PHF14: variants seen among roughly 807,000 people sequenced by gnomAD.
PHF14 encodes PHD finger protein 14.
Under a neutral mutation model 117.9 loss-of-function variants are expected in PHF14, and 55 were observed. That is an observed-to-expected ratio of 0.47 (90% CI 0.38 to 0.58). The LOEUF (loss-of-function observed/expected upper bound fraction) is 0.58, where lower values mean the gene tolerates loss of function less well. PHF14 is among the 20% of genes least tolerant of loss of function. The probability of loss-of-function intolerance (pLI) is 0.00; values close to 1 mark genes in which losing one functional copy is unlikely to be tolerated. For missense variants in PHF14, 978 were observed against 1,122.2 expected (o/e 0.87, Z 1.84); for synonymous variants, 409 against 368.6 (o/e 1.11, Z -1.26).
intron 17 of PHF14, among the ~76,000 whole-genome samples, chr7:11,142,130 G>A (rs1318029405): frequency 1.3e-5 from 2 of 151,916 alleles, no homozygotes; most frequent in African/African-American, 4.8e-5. Context: ...GTTTTATTGA[G>A]CTTTCTCCAA....
At chr7:10,991,283 C>G (rs1314029467) in intron 4 of PHF14, among the ~76,000 whole-genome samples, 2 of 152,108 alleles carry the variant, frequency 1.3e-5, no homozygotes, top group Non-Finnish European at 2.9e-5. Context: ...TGGGTTCAAA[C>G]TATTCTGCCT....
At chr7:11,119,423 C>T (rs922552308) in intron 17 of PHF14, among the ~76,000 whole-genome samples, 97 of 151,672 alleles carry the variant, frequency 6.4e-4, no homozygotes, top group African/African-American at 2.3e-3. Flanking sequence ...TTATAAAATT[C>T]AGAAGTGGTG....
chr7:10,982,328 G>T, intron 2 of PHF14, 44 bp from the exon 3 acceptor site: 1 of 1,282,804 alleles, frequency 7.8e-7, no homozygotes, highest in Non-Finnish European at 1.1e-6. Flanking sequence ...GTGTGTGTAT[G>T]TATATACATA....
chr7:11,049,934 G>GA (rs1784798265), intron 13 of PHF14, among the ~76,000 whole-genome samples: 1 of 152,128 alleles, frequency 6.6e-6, no homozygotes, highest in South Asian at 2.1e-4. Flanking sequence ...AGTTTTCTGA[G>GA]TAATACATGA....
At chr7:11,018,920 CCCGTTTTTG>C (rs1277930314) in intron 5 of PHF14, among the ~76,000 whole-genome samples, 1 of 151,954 alleles carries the variant, frequency 6.6e-6, no homozygotes, top group East Asian at 1.9e-4. Flanking sequence ...GTCTTTCTAT[CCCGTTTTTG>C]GGGAGTTTTT....
intron 17 of PHF14, among the ~76,000 whole-genome samples, chr7:11,141,927 T>G (rs370568945): frequency 6.6e-6 from 1 of 152,066 alleles, no homozygotes; most frequent in East Asian, 1.9e-4. Context: ...CTAGCATATC[T>G]TCCTCAAATT....
intron 16 of PHF14, chr7:11,107,273 A>G (rs1462756083): frequency 2.0e-6 from 2 of 978,654 alleles, no homozygotes; most frequent in East Asian, 1.1e-4. Context: ...ATGAAGGTAA[A>G]TCATTTTTTT....
chr7:11,110,454 T>C (rs1250843965), intron 16 of PHF14: 22 of 601,578 alleles, frequency 3.7e-5, no homozygotes, highest in Non-Finnish European at 4.4e-5. Context: ...TTTGGTCTTG[T>C]TATTCCAACT....
chr7:11,043,591 T>C (rs990918530), intron 13 of PHF14, among the ~76,000 whole-genome samples: 1 of 152,138 alleles, frequency 6.6e-6, no homozygotes, highest in Non-Finnish European at 1.5e-5. Context: ...TTTTTTGACC[T>C]CATTGTTTTA....
In PHF14 at chr7:10,979,978, T is replaced by A. The variant is rs184640032; in HGVS notation, c.113-2394T>A. 2.7e-3 allele frequency among the ~76,000 whole-genome samples: 415 copies of A among 152,202 alleles called. 4 individuals are homozygous for A. Among genetic ancestry groups the A allele is most frequent in the African/African-American group, 9.3e-3 (385 of 41,544 alleles). On this transcript the variant is annotated intron_variant, in intron 2 of 17. Coordinates refer to ENST00000634607, the MANE Select transcript of PHF14 (RefSeq NM_001007157.2). ...CAAACATAAAACATTAAAAATTTTT[T>A]AAAAAATTGCTTTCTATTCAGGCAT...
chr7:11,066,943 A>C (rs1785442078), intron 16 of PHF14, among the ~76,000 whole-genome samples: 1 of 152,236 alleles, frequency 6.6e-6, no homozygotes, highest in African/African-American at 2.4e-5. Flanking sequence ...ATAGGTAATA[A>C]CAGCAACAAA....
At chr7:11,159,235 A>G (rs997022471) in intron 17 of PHF14, among the ~76,000 whole-genome samples, 1 of 151,942 alleles carries the variant, frequency 6.6e-6, no homozygotes, top group South Asian at 2.1e-4. Context: ...TTATAATGCC[A>G]TTTATATAAA....
At chr7:10,981,924 G>A (rs1426105713) in intron 2 of PHF14, among the ~76,000 whole-genome samples, 3 of 152,046 alleles carry the variant, frequency 2.0e-5, no homozygotes, top group Non-Finnish European at 4.4e-5. Context: ...GATTTATCTT[G>A]TTTTGGTTTT....
intron 16 of PHF14, chr7:11,107,804 CTATT>C: frequency 1.2e-6 from 1 of 834,398 alleles, no homozygotes; most frequent in Non-Finnish European, 1.4e-6. Context: ...ATTTTATTCA[CTATT>C]TATTTTGATA....
At chr7:11,151,422 G>A (rs1279240824) in intron 17 of PHF14, among the ~76,000 whole-genome samples, 4 of 152,074 alleles carry the variant, frequency 2.6e-5, no homozygotes, top group Admixed American at 2.6e-4. Context: ...AGCTGGTTGT[G>A]GTGGTGCACA....
intron 4 of PHF14, among the ~76,000 whole-genome samples, chr7:11,001,693 C>T (rs986241583): frequency 4.6e-5 from 7 of 151,986 alleles, no homozygotes; most frequent in African/African-American, 1.7e-4. Flanking sequence ...CATAAGAAAG[C>T]AATTGGCTTT....
At chr7:10,995,665 ATGG>A (rs1782617673) in intron 4 of PHF14, among the ~76,000 whole-genome samples, 1 of 152,182 alleles carries the variant, frequency 6.6e-6, no homozygotes, top group Non-Finnish European at 1.5e-5. Flanking sequence ...AGGCTCAGGC[ATGG>A]TGGGCTGCAG....
chr7:11,067,381 T>C (rs1298906292), intron 16 of PHF14, among the ~76,000 whole-genome samples: 2 of 152,128 alleles, frequency 1.3e-5, no homozygotes, highest in African/African-American at 4.8e-5. Flanking sequence ...AATATAAAAT[T>C]GTGCAGCTAC....
intron 10 of PHF14, among the ~76,000 whole-genome samples, chr7:11,037,759 A>G (rs899066048): frequency 1.3e-5 from 2 of 152,206 alleles, no homozygotes; most frequent in African/African-American, 4.8e-5. Flanking sequence ...ATTTTAAGTC[A>G]TAAAAAAATA....
Sources: allele counts gnomAD v4.1 joint callset (sites outside exome capture counted in the v4.1 genomes callset), GRCh38; gene constraint gnomAD v4.1.1; transcripts MANE v1.5; gene names NCBI Gene and HGNC (gene_info 2026-07-23, HGNC 2026-07-21).